SLCO5A1: variants seen among roughly 807,000 people sequenced by gnomAD.
SLCO5A1 encodes the protein organic anion transporter polypeptide-related protein 4.
In SLCO5A1, 39 loss-of-function variants were observed where a neutral mutation model predicts 65.1. That is an observed-to-expected ratio of 0.60 (90% CI 0.46 to 0.78). SLCO5A1 has a LOEUF of 0.78. Among genes scored for constraint, SLCO5A1 ranks in the 30% least tolerant of loss-of-function variants. SLCO5A1 has a pLI of 0.00. For synonymous variants in SLCO5A1, 438 were observed against 415.7 expected (o/e 1.05, Z -0.65); for missense variants, 1,029 against 1,069.4 (o/e 0.96, Z 0.53).
At chr8:69,787,986 T>C (rs555464863) in intron 2 of SLCO5A1, among the ~76,000 whole-genome samples, 1 of 152,340 alleles carries the variant, frequency 6.6e-6, no homozygotes, top group South Asian at 2.1e-4. Context: ...CCAATATTGT[T>C]ATTAGCCCAT....
At chr8:69,695,546 T>C (rs990448341) in intron 6 of SLCO5A1, among the ~76,000 whole-genome samples, 1 of 151,920 alleles carries the variant, frequency 6.6e-6, no homozygotes, top group African/African-American at 2.4e-5. Context: ...AAGGAGACAT[T>C]GACTTCTCTC....
chr8:69,710,919 A>G (rs2933044), intron 5 of SLCO5A1, among the ~76,000 whole-genome samples: 81,103 of 151,888 alleles, frequency 0.53, 22,163 homozygotes, highest in African/African-American at 0.65. Flanking sequence ...TGGATCTCCG[A>G]TCAGAGAAAG....
chr8:69,725,577 A>G (rs555123752), intron 5 of SLCO5A1, among the ~76,000 whole-genome samples: 3 of 152,316 alleles, frequency 2.0e-5, no homozygotes, highest in African/African-American at 7.2e-5. Flanking sequence ...AATGCCTGGA[A>G]AAAGAAGCTA....
chr8:69,805,524 A>G (rs951964519), intron 2 of SLCO5A1, among the ~76,000 whole-genome samples: 1 of 152,250 alleles, frequency 6.6e-6, no homozygotes, highest in African/African-American at 2.4e-5. Context: ...TTAAAGTTAT[A>G]TTAAAACTAG....
At chr8:69,781,288 T>C (rs555073579) in intron 2 of SLCO5A1, among the ~76,000 whole-genome samples, 1 of 152,378 alleles carries the variant, frequency 6.6e-6, no homozygotes, top group Admixed American at 6.5e-5. Context: ...GCAAAGTCCC[T>C]GCAGTCATTG....
intron 2 of SLCO5A1, among the ~76,000 whole-genome samples, chr8:69,808,840 C>T (rs1820115321): frequency 6.6e-6 from 1 of 152,140 alleles, no homozygotes; most frequent in Non-Finnish European, 1.5e-5. Flanking sequence ...CGTGGTGGCT[C>T]ATGCCTGTAA....
chr8:69,765,405 C>T (rs931843828), intron 2 of SLCO5A1, among the ~76,000 whole-genome samples: 7 of 149,120 alleles, frequency 4.7e-5, no homozygotes, highest in African/African-American at 1.3e-4. Context: ...TATATATACA[C>T]ACACACACAC....
chr8:69,775,295 G>A (rs2130877523), intron 2 of SLCO5A1, among the ~76,000 whole-genome samples: 1 of 152,268 alleles, frequency 6.6e-6, no homozygotes, highest in East Asian at 1.9e-4. Flanking sequence ...TCCCTAAAAA[G>A]GAACATACAA....
intron 2 of SLCO5A1, among the ~76,000 whole-genome samples, chr8:69,779,551 C>T (rs993362592): frequency 2.0e-5 from 3 of 152,088 alleles, no homozygotes; most frequent in Non-Finnish European, 4.4e-5. Context: ...TTAATGACTA[C>T]CTTTCAGAAA....
chr8:69,785,827 G>C, intron 2 of SLCO5A1, among the ~76,000 whole-genome samples: 1 of 152,188 alleles, frequency 6.6e-6, no homozygotes, highest in East Asian at 1.9e-4. Context: ...TCTCCTAGCA[G>C]AAGGATATTA....
chr8:69,698,845 T>C (rs1192869161), intron 6 of SLCO5A1, among the ~76,000 whole-genome samples: 1 of 152,220 alleles, frequency 6.6e-6, no homozygotes, highest in Non-Finnish European at 1.5e-5. Flanking sequence ...GAGGTTTTTT[T>C]CTGGCAAAAT....
At chr8:69,680,332 G>C (rs1813713693) in intron 7 of SLCO5A1, among the ~76,000 whole-genome samples, 1 of 152,016 alleles carries the variant, frequency 6.6e-6, no homozygotes, top group East Asian at 1.9e-4. Context: ...TTCCATTTTT[G>C]TGTCCATGAG....
chr8:69,766,925 TCTA>T (rs1270223518), intron 2 of SLCO5A1, among the ~76,000 whole-genome samples: 1 of 152,198 alleles, frequency 6.6e-6, no homozygotes, highest in Non-Finnish European at 1.5e-5. Flanking sequence ...CAGTGAACGC[TCTA>T]CTGTCATGAA....
chr8:69,716,244 G>A (rs1263837888), intron 5 of SLCO5A1, among the ~76,000 whole-genome samples: 1 of 152,160 alleles, frequency 6.6e-6, no homozygotes, highest in Non-Finnish European at 1.5e-5. Context: ...ATGGACATTT[G>A]GGTTGTTTCT....
At chr8:69,817,915 G>A (rs1820471631) in intron 2 of SLCO5A1, among the ~76,000 whole-genome samples, 1 of 152,144 alleles carries the variant, frequency 6.6e-6, no homozygotes, top group Admixed American at 6.5e-5. Flanking sequence ...CCACCAAGGG[G>A]CCTTAGAAGG....
chr8:69,801,628 C>T (rs906715783), intron 2 of SLCO5A1, among the ~76,000 whole-genome samples: 1 of 151,930 alleles, frequency 6.6e-6, no homozygotes, highest in Non-Finnish European at 1.5e-5. Context: ...TAATTACTTG[C>T]CTGGGAAGTA....
Position 69,832,573 on chromosome 8 carries a change from C to T in SLCO5A1, c.101G>A (p.Arg34Lys). ...GCTGAGGACCGGTAAACTCTTAGAC[C>T]TGAGGGTCTCCGGCTCGCACCTCTC... ...VQERCEPETL[R>K]SKSLPVLSSA... Residue 34 changes from arginine to lysine, a missense_variant, in exon 2 of 10, where the codon AGG (arginine) becomes AAG (lysine). By Grantham distance (26) the Arg-to-Lys change is conservative. Coordinates refer to ENST00000260126, the MANE Select transcript of SLCO5A1 (RefSeq NM_030958.3). The surrounding 1 kb of genome is among the most constrained non-coding windows in gnomAD (Gnocchi z 4.5). The T allele has an allele frequency of 3.1e-6, 5 of 1,612,932 alleles. No individual in the cohort carries two copies. Among genetic ancestry groups the T allele is most frequent in the East Asian group, 2.2e-5 (1 of 44,876 alleles).
chr8:69,687,056 A>G lies in SLCO5A1; in HGVS notation c.1623-4713T>C, dbSNP rs1271081918. Among the ~76,000 whole-genome samples the G allele has an allele frequency of 2.6e-5, 4 of 151,276 alleles. No individual in the cohort carries two copies. In the East Asian group the frequency reaches 7.8e-4, roughly 29 times the overall value. On this transcript the variant is annotated intron_variant, in intron 6 of 9. Transcript: ENST00000260126. ...CGCTAAGATATTGGTATCTTTCCGC[A>G]CTTAACAGAAGCATGAATGAATAGC... is the stretch of plus-strand genomic sequence containing the variant.
intron 2 of SLCO5A1, among the ~76,000 whole-genome samples, chr8:69,827,581 C>T (rs1288629826): frequency 6.6e-6 from 1 of 152,012 alleles, no homozygotes. Flanking sequence ...TGTTTCTGCT[C>T]GTAATTACTA....
Sources: gnomAD v4.1 joint callset for allele counts (sites outside exome capture counted in the v4.1 genomes callset) on GRCh38, gnomAD v4.1.1 for gene constraint, Gnocchi (gnomAD v3.1) non-coding constraint, MANE v1.5 for transcripts, NCBI Gene and HGNC (gene_info 2026-07-23, HGNC 2026-07-21) for gene names.